Variants in MAN2B2 observed in about 807,000 individuals in gnomAD.
MAN2B2 encodes the protein mannosidase alpha class 2B member 2.
A neutral mutation model predicts 117.1 loss-of-function variants in MAN2B2; 106 were observed. That is an observed-to-expected ratio of 0.90 (90% CI 0.77 to 1.06). The LOEUF is 1.06. Among genes scored for constraint, MAN2B2 ranks in the 50% least tolerant of loss-of-function variants. The pLI is 0.00. For missense variants in MAN2B2, 1,326 were observed against 1,381.4 expected (o/e 0.96, Z 0.64); for synonymous variants, 544 against 595.1 (o/e 0.91, Z 1.25).
intron 1 of MAN2B2, 125 bp downstream of exon 1, chr4:6,575,473 C>G (rs763298777): frequency 3.2e-6 from 2 of 627,168 alleles, no homozygotes; most frequent in Non-Finnish European, 2.5e-6. Context: ...GGGTTCAGGA[C>G]CCCACGCTGC....
intron 17 of MAN2B2, chr4:6,617,743 C>A: frequency 4.0e-6 from 2 of 498,260 alleles, no homozygotes; most frequent in Non-Finnish European, 3.4e-6. Context: ...TGCAGTGGCA[C>A]AATCTCAGCT....
chr4:6,607,445 T>C (rs1355968140), intron 11 of MAN2B2, among the ~76,000 whole-genome samples: 1 of 152,210 alleles, frequency 6.6e-6, no homozygotes, highest in Non-Finnish European at 1.5e-5. Context: ...GCTCAAGTGA[T>C]CCACCTGCCT....
At chr4:6,580,676 C>T (rs1726392357) in intron 3 of MAN2B2, among the ~76,000 whole-genome samples, 1 of 152,196 alleles carries the variant, frequency 6.6e-6, no homozygotes. Flanking sequence ...CGCTGAACCT[C>T]AAGATGCCCC....
At chr4:6,594,253 G>C (rs1453292609) in intron 6 of MAN2B2, among the ~76,000 whole-genome samples, 1 of 152,174 alleles carries the variant, frequency 6.6e-6, no homozygotes, top group Non-Finnish European at 1.5e-5. Flanking sequence ...GACCAGCCTG[G>C]CCAACATGGT....
intron 11 of MAN2B2, among the ~76,000 whole-genome samples, chr4:6,606,759 G>A (rs963353098): frequency 3.3e-5 from 5 of 152,218 alleles, no homozygotes; most frequent in African/African-American, 9.6e-5. Flanking sequence ...AGGGGCCATC[G>A]GGAGACGACA....
chr4:6,590,013 G>A (rs930384078), intron 5 of MAN2B2, among the ~76,000 whole-genome samples: 3 of 151,980 alleles, frequency 2.0e-5, no homozygotes, highest in African/African-American at 7.3e-5. Flanking sequence ...GCTACAGTGA[G>A]CTCTGATGGT....
chr4:6,614,207 C>T lies in MAN2B2; in HGVS notation c.2564-11C>T. The T allele has an allele frequency of 6.2e-7, 1 of 1,613,444 alleles. No individual in the cohort carries two copies. The stretch of plus-strand genomic sequence containing the variant: ...CAAACCCTCTCCTCACTCTGTCCAT[C>T]TGCCTTGCAGGGACTGCGCCGAAGC... On this transcript the variant is annotated splice_polypyrimidine_tract_variant and intron_variant, in intron 15 of 18. Coordinates refer to ENST00000285599, the MANE Select transcript of MAN2B2 (RefSeq NM_015274.3).
At chr4:6,603,543 C>A (rs1464078680) in intron 10 of MAN2B2, among the ~76,000 whole-genome samples, 1 of 152,100 alleles carries the variant, frequency 6.6e-6, no homozygotes, top group African/African-American at 2.4e-5. Context: ...CACACACACC[C>A]CTTCCCCACT....
In MAN2B2 at chr4:6,578,641, T is replaced by C. The variant is rs1726162144; in HGVS notation, c.391+143T>C. On this transcript the variant is annotated intron_variant, in intron 3 of 18. Transcript: ENST00000285599. ...TTAACCAGTGAAAGCAGTGATTTGC[T>C]AGTGCCATATTCATGCCTCACCAAG... The C allele has an allele frequency of 4.6e-6, 3 of 649,186 alleles. No individual in the cohort carries two copies. In the Admixed American group the frequency reaches 8.2e-5, roughly 18 times the overall value. 40.2% of individuals were successfully genotyped at this position (649,186 alleles called of 1,614,324 possible). A position where few individuals can be genotyped will look rare whatever the true frequency, so the allele number is the denominator to read the frequency against.
At chr4:6,608,871 C>T (rs905438205) in intron 11 of MAN2B2, among the ~76,000 whole-genome samples, 3 of 152,192 alleles carry the variant, frequency 2.0e-5, no homozygotes, top group African/African-American at 7.2e-5. Context: ...GCTCACGGTT[C>T]CTGTCTGCAG....
At position 6,598,400 on chromosome 4, in the gene MAN2B2, G is replaced by A. The variant is rs183210477; in HGVS notation, c.1405+46G>A. The A allele has an allele frequency of 5.7e-3, 9,019 of 1,581,126 alleles. 37 individuals are homozygous for A. Among genetic ancestry groups the A allele is most frequent in the Non-Finnish European group, 6.8e-3 (7,906 of 1,159,300 alleles). ...AGGCTGTGGCCCCTTTATGAAGGGA[G>A]AGCCTGAGGAGGTCAGGGGAGGGGC... On this transcript the variant is annotated intron_variant, in intron 9 of 18. Transcript: ENST00000285599.
intron 10 of MAN2B2, among the ~76,000 whole-genome samples, chr4:6,601,893 G>A (rs1042998680): frequency 3.3e-5 from 5 of 152,176 alleles, no homozygotes; most frequent in Non-Finnish European, 7.3e-5. Context: ...GCCGTGGTTC[G>A]AGTGAAAGTG....
At chr4:6,604,969 A>G in intron 10 of MAN2B2, 86 bp from the exon 11 acceptor site, 1 of 1,454,684 alleles carries the variant, frequency 6.9e-7, no homozygotes, top group Middle Eastern at 1.8e-4. Context: ...ATGGAAAGAC[A>G]CTGCTGCCTC....
chr4:6,598,338 C>T lies in MAN2B2; in HGVS notation c.1389C>T (p.Pro463=), dbSNP rs780897057. The change falls in exon 9 of 19, where the codon CCC becomes CCT. Residue 463 remains proline, a synonymous_variant. Transcript: ENST00000285599. ...IVLDELQPQA[P]MAASSDAGPA... Reference sequence around the variant, plus strand: ...TAGATGAGCTCCAGCCCCAGGCACCCATGGCGGCCAGCTCCGGTGAGCAGG... The same window carrying T: ...TAGATGAGCTCCAGCCCCAGGCACCTATGGCGGCCAGCTCCGGTGAGCAGG... 1.2e-6 allele frequency: 2 copies of T among 1,612,474 alleles called. No individual in the cohort carries two copies. The highest frequency in any genetic ancestry group is 1.7e-6 in the Non-Finnish European group (2 of 1,179,444).
intron 3 of MAN2B2, among the ~76,000 whole-genome samples, chr4:6,586,590 C>A (rs187138817): frequency 9.7e-4 from 148 of 152,106 alleles, no homozygotes; most frequent in African/African-American, 3.3e-3. Context: ...CCGCTGATAT[C>A]TACAGGCATC....
intron 5 of MAN2B2, among the ~76,000 whole-genome samples, chr4:6,592,293 C>T (rs1726889250): frequency 6.6e-6 from 1 of 152,202 alleles, no homozygotes; most frequent in Admixed American, 6.5e-5. Context: ...ATCCTCACAA[C>T]AACCTGCTCC....
At chr4:6,599,066 ACAGCCTG>A in intron 9 of MAN2B2, among the ~76,000 whole-genome samples, 1 of 152,200 alleles carries the variant, frequency 6.6e-6, no homozygotes, top group Non-Finnish European at 1.5e-5. Flanking sequence ...GGTCCCACCC[ACAGCCTG>A]CACCTGGTCA....
At chr4:6,587,748 T>C (rs13104007) in intron 4 of MAN2B2, among the ~76,000 whole-genome samples, 1 of 125,602 alleles carries the variant, frequency 8.0e-6, no homozygotes, top group East Asian at 3.5e-4. Flanking sequence ...TTTTGGGTTG[T>C]TGTTTTTTTT....
At chr4:6,600,815 CG>C in intron 10 of MAN2B2, 59 bp downstream of exon 10, 1 of 1,593,524 alleles carries the variant, frequency 6.3e-7, no homozygotes, top group Non-Finnish European at 8.5e-7. Flanking sequence ...TGCTCTGGGC[CG>C]GGCACATTGT....
Sources: allele counts gnomAD v4.1 joint callset (sites outside exome capture counted in the v4.1 genomes callset), GRCh38; gene constraint gnomAD v4.1.1; transcripts MANE v1.5; gene names NCBI Gene and HGNC (gene_info 2026-07-23, HGNC 2026-07-21).